ZNF592: variants seen among roughly 807,000 people sequenced by gnomAD.
ZNF592 encodes the protein spinocerebellar ataxia, autosomal recessive 5.
Under a neutral mutation model 80.3 loss-of-function variants are expected in ZNF592, and 11 were observed. The observed-to-expected ratio is 0.14, with a 90% CI of 0.09 to 0.23. ZNF592 has a LOEUF of 0.23. Ranked by LOEUF, ZNF592 falls within the 10% of genes least tolerant of loss-of-function variation. The pLI is 1.00. For missense variants in ZNF592, 1,420 were observed against 1,633.9 expected (o/e 0.87, Z 2.26); for synonymous variants, 646 against 640.3 (o/e 1.01, Z -0.13).
chr15:84,798,901 G>A lies in ZNF592; in HGVS notation c.3024+26G>A, dbSNP rs1963010560. On this transcript the variant is annotated intron_variant, in intron 8 of 10. Transcript: ENST00000560079. This position sits in a 1 kb window ranked among gnomAD's most constrained non-coding sequence, Gnocchi z 4.5. ...GTAAGTGCAGCCACACAGTCATAAT[G>A]CAGAGCCCAGTCCTCTGGACTTCCT... The A allele has an allele frequency of 8.8e-6, 14 of 1,598,142 alleles. No homozygotes were observed. The highest frequency in any genetic ancestry group is 1.2e-5 in the Non-Finnish European group (14 of 1,179,320).
intron 3 of ZNF592, among the ~76,000 whole-genome samples, chr15:84,782,119 GTTTA>G (rs1435672511): frequency 6.6e-6 from 1 of 152,166 alleles, no homozygotes; most frequent in Non-Finnish European, 1.5e-5. Flanking sequence ...ATTTTCTAGA[GTTTA>G]TTCATGAGAC....
At chr15:84,788,479 A>G (rs1365691059) in intron 4 of ZNF592, among the ~76,000 whole-genome samples, 2 of 152,170 alleles carry the variant, frequency 1.3e-5, no homozygotes, top group East Asian at 3.8e-4. Flanking sequence ...GTTTCTTTTA[A>G]TTAACAGTTC....
chr15:84,774,506 C>G (rs939731045), intron 2 of ZNF592, among the ~76,000 whole-genome samples: 3 of 152,212 alleles, frequency 2.0e-5, no homozygotes, highest in African/African-American at 7.2e-5. Flanking sequence ...TGGAAACCAC[C>G]ATTCTAGGTA....
intron 3 of ZNF592, among the ~76,000 whole-genome samples, chr15:84,778,934 G>C (rs1451680448): frequency 6.6e-6 from 1 of 152,168 alleles, no homozygotes; most frequent in Non-Finnish European, 1.5e-5. Context: ...CGGCTCTGAT[G>C]AGTGGAGGAA....
chr15:84,788,461 G>A (rs1462298394), intron 4 of ZNF592, among the ~76,000 whole-genome samples: 1 of 152,184 alleles, frequency 6.6e-6, no homozygotes, highest in African/African-American at 2.4e-5. Context: ...TGGAAAATGG[G>A]ATAATTTGTT....
intron 2 of ZNF592, among the ~76,000 whole-genome samples, chr15:84,767,884 T>G (rs1899575867): frequency 6.6e-6 from 1 of 151,910 alleles, no homozygotes; most frequent in Non-Finnish European, 1.5e-5. Flanking sequence ...TTCTTTTCTT[T>G]TCTTTTTTTT....
chr15:84,792,541 C>A (rs1415000682), intron 5 of ZNF592, among the ~76,000 whole-genome samples: 2 of 152,164 alleles, frequency 1.3e-5, no homozygotes, highest in Middle Eastern at 3.2e-3. Context: ...GCCTTGACCT[C>A]CCGAGCTCAG....
rs925313321 is a variant in ZNF592, at chr15:84,784,876, C to G, written c.2201C>G (p.Thr734Arg). The change falls in exon 4 of 11, where the codon ACA becomes AGA. Residue 734 changes from threonine (T) to arginine (R), a missense_variant. Coordinates refer to ENST00000560079, the MANE Select transcript of ZNF592 (RefSeq NM_014630.3). The surrounding 1 kb of genome is among the most constrained non-coding windows in gnomAD (Gnocchi z 5.8). ...CTGGCTGCACATTTCCAGAGGACAA[C>G]AGAGGAGACAGAGGGGCTGGTAAGC... is the stretch of plus-strand genomic sequence containing the variant. ...MVLAAHFQRT[T>R]EETEGLTCQV... 1 of 1,614,110 alleles carries G rather than the reference C, an allele frequency of 6.2e-7. No individual in the cohort carries two copies. Among genetic ancestry groups the G allele is most frequent in the African/African-American group, 1.3e-5 (1 of 75,034 alleles).
chr15:84,802,370 C>T lies in ZNF592; in HGVS notation c.3781C>T (p.His1261Tyr). 1 of 1,613,718 alleles carries T rather than the reference C, an allele frequency of 6.2e-7. No individual in the cohort carries two copies. Among genetic ancestry groups the T allele is most frequent in the Non-Finnish European group, 8.5e-7 (1 of 1,180,034 alleles). The change falls in exon 11 of 11, where the codon CAC (histidine) becomes TAC (tyrosine). Residue 1261 changes from histidine (H) to tyrosine (Y), a missense_variant. Physicochemically the swap from His to Tyr is moderately conservative, Grantham distance 83 (BLOSUM62 2). Coordinates refer to ENST00000560079, the MANE Select transcript of ZNF592 (RefSeq NM_014630.3). ...QPQASQDQDS[H>Y]TLSPQV The stretch of plus-strand genomic sequence containing the variant: ...ACAGGCCTCTCAGGACCAGGACAGC[C>T]ACACACTGTCCCCTCAGGTGTGACC...
chr15:84,791,005 A>T (rs1962731791), intron 5 of ZNF592, 122 bp downstream of exon 5: 1 of 1,090,930 alleles, frequency 9.2e-7, no homozygotes, highest in African/African-American at 1.5e-5. Context: ...ACAGGACAAG[A>T]GCATTGGATG....
At chr15:84,780,321 AAG>A (rs1962385021) in intron 3 of ZNF592, among the ~76,000 whole-genome samples, 1 of 152,166 alleles carries the variant, frequency 6.6e-6, no homozygotes, top group African/African-American at 2.4e-5. Flanking sequence ...AAGAACAAAA[AAG>A]AAATTAAAAA....
At chr15:84,753,084 G>A (rs1332406619) in intron 1 of ZNF592, 3 of 152,124 alleles carry the variant, frequency 2.0e-5, no homozygotes, top group Non-Finnish European at 2.9e-5. Flanking sequence ...ATTTAGTATA[G>A]TCAACAATGA....
Position 84,782,692 on chromosome 15 carries a change from C to A in ZNF592, c.17C>A (p.Thr6Asn), listed in dbSNP as rs1410288149. 6.2e-7 allele frequency: 1 copy of A among 1,614,090 alleles called. No individual in the cohort carries two copies. The highest frequency in any genetic ancestry group is 8.5e-7 in the Non-Finnish European group (1 of 1,180,036). ...CATCCAGCCATGGGGGATATGAAAACCCCAGATTTTGATGACCTTCTGGCT... is the reference window on the plus strand; with the variant it reads ...CATCCAGCCATGGGGGATATGAAAAACCCAGATTTTGATGACCTTCTGGCT... The part of the protein sequence containing the change: MGDMK[T>N]PDFDDLLAAF... Residue 6 changes from threonine (T) to asparagine (N), a missense_variant, in exon 4 of 11, where the codon ACC (threonine) becomes AAC (asparagine). Thr to Asn is a moderately conservative substitution (Grantham distance 65, BLOSUM62 0). Transcript: ENST00000560079.
chr15:84,757,286 T>A (rs866258631), intron 1 of ZNF592, among the ~76,000 whole-genome samples: 39 of 151,658 alleles, frequency 2.6e-4, no homozygotes, highest in Admixed American at 1.6e-3. Context: ...GGACTACAGG[T>A]GTACCACTGT....
rs747106925 is a variant in ZNF592 at position 84,784,078 on chromosome 15, G to T, written c.1403G>T (p.Arg468Leu). The change falls in exon 4 of 11, where the codon CGG becomes CTG. Residue 468 changes from arginine to leucine, a missense_variant. By Grantham distance (102) the Arg-to-Leu change is moderately radical. This residue lies in a region of ZNF592 where 524 missense variants were observed against 628.3 expected (regional missense o/e 0.83). Coordinates refer to ENST00000560079, the MANE Select transcript of ZNF592 (RefSeq NM_014630.3). This position sits in a 1 kb window ranked among gnomAD's most constrained non-coding sequence, Gnocchi z 5.8. ...TCTCCCAGCTGCAGTTCTGGGCCCC[G>T]GGTCCCAAAGGGGGCTGCCCCAGGC... The part of the protein sequence containing the change: ...SSSPSCSSGP[R>L]VPKGAAPGSQ... 8.7e-6 allele frequency: 14 copies of T among 1,613,878 alleles called. No individual in the cohort carries two copies. The highest frequency in any genetic ancestry group is 1.2e-5 in the Non-Finnish European group (14 of 1,179,832).
rs530638548 is a variant in ZNF592 at position 84,796,199 on chromosome 15, G to A, written c.2400-1670G>A. On this transcript the variant is annotated intron_variant, in intron 5 of 10. Coordinates refer to ENST00000560079, the MANE Select transcript of ZNF592 (RefSeq NM_014630.3). Reference sequence around the variant, plus strand: ...ATTGCACCACTGCACTCCAATCTGGGTGACAAAGCAAGACTCTGTCTCAAA... The same window carrying A: ...ATTGCACCACTGCACTCCAATCTGGATGACAAAGCAAGACTCTGTCTCAAA... Among the ~76,000 whole-genome samples, 265 of 120,488 alleles carry A rather than the reference G, an allele frequency of 2.2e-3. 2 individuals carry two copies. Among genetic ancestry groups the A allele is most frequent in the Non-Finnish European group, 3.4e-3 (204 of 59,998 alleles). 79.0% of individuals were successfully genotyped at this position (120,488 alleles called of 152,430 possible).
chr15:84,788,490 T>C (rs1293013173), intron 4 of ZNF592, among the ~76,000 whole-genome samples: 1 of 152,238 alleles, frequency 6.6e-6, no homozygotes, highest in Admixed American at 6.5e-5. Flanking sequence ...TTAACAGTTC[T>C]CAGAGTTGTG....
chr15:84,793,507 C>T (rs1486332915), intron 5 of ZNF592, among the ~76,000 whole-genome samples: 2 of 152,182 alleles, frequency 1.3e-5, no homozygotes, highest in African/African-American at 2.4e-5. Context: ...GAATGCCAGA[C>T]CAAATGAATT....
At chr15:84,754,265 GTAA>G (rs1342441771) in intron 1 of ZNF592, among the ~76,000 whole-genome samples, 1 of 152,200 alleles carries the variant, frequency 6.6e-6, no homozygotes, top group African/African-American at 2.4e-5. Flanking sequence ...AAATCCAGAG[GTAA>G]TAATGGGCAG....
Sources: gnomAD v4.1 joint callset for allele counts (sites outside exome capture counted in the v4.1 genomes callset) on GRCh38, gnomAD v4.1.1 for gene constraint, gnomAD v4.1.1 regional missense constraint, Gnocchi (gnomAD v3.1) non-coding constraint, MANE v1.5 for transcripts, NCBI Gene and HGNC (gene_info 2026-07-23, HGNC 2026-07-21) for gene names.